DMD: variants seen among roughly 807,000 people sequenced by gnomAD.
DMD encodes the protein dystrophin, also known as mutant dystrophin.
In DMD, 63 loss-of-function variants were observed where a neutral mutation model predicts 330.1. The ratio of observed to expected loss-of-function variants is 0.19; its 90% CI spans 0.16 to 0.24. DMD has a LOEUF of 0.24. DMD is among the 10% of genes least tolerant of loss of function. The probability of loss-of-function intolerance (pLI) is 1.00; values close to 1 mark genes in which losing one functional copy is unlikely to be tolerated. For missense variants in DMD, 3,344 were observed against 2,684.1 expected, an observed-to-expected ratio of 1.25 and a Z score of -5.43; for synonymous variants, 1,223 against 959.8, an observed-to-expected ratio of 1.27 and a Z score of -5.07.
intron 63 of DMD, among the ~76,000 whole-genome samples, chrX:31,247,514 C>T (rs1463233512): frequency 4.7e-5 from 5 of 107,500 alleles, no homozygotes; most frequent in Non-Finnish European, 9.6e-5. Flanking sequence ...GCAGAAGAAT[C>T]ACTTGAACCC....
chrX:32,286,496 T>C (rs748273689), intron 43 of DMD, among the ~76,000 whole-genome samples: 3 of 111,624 alleles, frequency 2.7e-5, no homozygotes, highest in East Asian at 5.7e-4. Flanking sequence ...GGGCTTGCTA[T>C]AGGGCAGGCA....
At chrX:32,923,465 G>C (rs1013136800) in intron 2 of DMD, among the ~76,000 whole-genome samples, 2 of 110,104 alleles carry the variant, frequency 1.8e-5, no homozygotes, top group Non-Finnish European at 3.8e-5. Context: ...GTAGGCTGAG[G>C]TGGGAGAATC....
chrX:31,629,683 G>A (rs1469069051), intron 54 of DMD, among the ~76,000 whole-genome samples: 2 of 111,419 alleles, frequency 1.8e-5, no homozygotes, highest in African/African-American at 6.5e-5. Context: ...ATCTTTTTAT[G>A]TATCATGCTT....
chrX:32,430,199 T>A (rs907157082), intron 29 of DMD, among the ~76,000 whole-genome samples: 1 of 111,829 alleles, frequency 8.9e-6, no homozygotes, highest in African/African-American at 3.2e-5. Context: ...AATTGCTTTG[T>A]AGGTTATCCA....
At chrX:31,654,502 C>G (rs1297232323) in intron 54 of DMD, among the ~76,000 whole-genome samples, 1 of 111,519 alleles carries the variant, frequency 9.0e-6, no homozygotes, top group East Asian at 2.8e-4. Flanking sequence ...AATATAACAA[C>G]AAAAGTGAAA....
chrX:31,454,518 A>G (rs1005160906), intron 59 of DMD, among the ~76,000 whole-genome samples: 6 of 111,583 alleles, frequency 5.4e-5, no homozygotes, highest in Non-Finnish European at 1.1e-4. Context: ...ATTGTCCCTG[A>G]ATGGGCCCTC....
Position 31,348,570 on chromosome X carries a change from T to C in DMD, c.9149A>G (p.Gln3050Arg). The change falls in exon 61 of 79, where the codon CAG becomes CGG. Residue 3050 changes from glutamine to arginine, a missense_variant. Physicochemically the swap from Gln to Arg is conservative, Grantham distance 43 (BLOSUM62 1). Transcript: ENST00000357033. ...EAHRDFGPASQHFLSTSVQGP... is the reference protein window; with the variant it reads ...EAHRDFGPASRHFLSTSVQGP... ...AAATGACTTACTGGAAAGAAAGTGC[T>C]GAGATGCTGGACCAAAGTCCCTGTG... 1 of 1,211,169 alleles carries C rather than the reference T, an allele frequency of 8.3e-7. No homozygotes were observed. Among genetic ancestry groups the C allele is most frequent in the Non-Finnish European group, 1.1e-6 (1 of 894,940 alleles).
intron 1 of DMD, among the ~76,000 whole-genome samples, chrX:33,298,225 G>T (rs1485614177): frequency 9.0e-6 from 1 of 110,901 alleles, no homozygotes; most frequent in Non-Finnish European, 1.9e-5. Context: ...GAGGAAAATA[G>T]TTCCTTCATG....
chrX:31,672,650 T>C (rs2081871283), intron 53 of DMD, among the ~76,000 whole-genome samples: 1 of 112,511 alleles, frequency 8.9e-6, no homozygotes, highest in Admixed American at 9.4e-5. Context: ...TGATTCTTTC[T>C]TTTGCAGCTT....
At chrX:32,853,345 T>C (rs914764263) in intron 2 of DMD, among the ~76,000 whole-genome samples, 1 of 112,099 alleles carries the variant, frequency 8.9e-6, no homozygotes, top group Non-Finnish European at 1.9e-5. Context: ...ACTCATATCT[T>C]GAATAAGAAG....
At chrX:33,070,671 CTCTATATATATATATATA>C (rs1196520806) in intron 1 of DMD, among the ~76,000 whole-genome samples, 81 of 44,007 alleles carry the variant, frequency 1.8e-3, no homozygotes, top group African/African-American at 7.7e-3. Context: ...CTCTCTCTCT[CTCTATATATATATATATA>C]TATATATATA....
intron 44 of DMD, among the ~76,000 whole-genome samples, chrX:32,056,335 A>T (rs1436942305): frequency 9.3e-6 from 1 of 107,371 alleles, no homozygotes; most frequent in Non-Finnish European, 1.9e-5. Context: ...CAACAAAGCT[A>T]AGAGTTTTTT....
chrX:32,545,050 G>C, intron 17 of DMD, 109 bp downstream of exon 17: 1 of 750,672 alleles, frequency 1.3e-6, no homozygotes, highest in Non-Finnish European at 2.0e-6. Flanking sequence ...GACATTACAG[G>C]TACCCGAGGA....
chrX:32,440,911 T>C (rs1021435808), intron 28 of DMD, among the ~76,000 whole-genome samples: 4 of 111,102 alleles, frequency 3.6e-5, no homozygotes, highest in African/African-American at 1.3e-4. Context: ...TTGTGGTACA[T>C]TTAATTAGGT....
chrX:31,196,762 A>G (rs186938244), intron 67 of DMD, among the ~76,000 whole-genome samples: 68 of 92,020 alleles, frequency 7.4e-4, no homozygotes, highest in African/African-American at 2.6e-3. Flanking sequence ...TGGAGGTTGC[A>G]GTGTGCCGAG....
At chrX:32,934,803 C>G (rs1386511180) in intron 2 of DMD, among the ~76,000 whole-genome samples, 5 of 112,326 alleles carry the variant, frequency 4.5e-5, no homozygotes, top group Non-Finnish European at 9.4e-5. Flanking sequence ...GATTAACTAC[C>G]ATCCAGAATC....
intron 47 of DMD, among the ~76,000 whole-genome samples, chrX:31,877,321 A>T: frequency 8.9e-6 from 1 of 111,778 alleles, no homozygotes; most frequent in East Asian, 2.8e-4. Context: ...CCTTGGAAAC[A>T]CTAACTTTAA....
rs540077324 is a variant in DMD, at chrX:32,970,621, G to A, written c.93+49518C>T. Among the ~76,000 whole-genome samples, 9 of 92,165 alleles carry A rather than the reference G, an allele frequency of 9.8e-5. 1 individual carries two copies. Among genetic ancestry groups the A allele is most frequent in the South Asian group, 5.4e-4 (1 of 1,851 alleles). The allele number at this position is 92,165 out of a possible 115,157, so 80.0% of individuals were successfully genotyped here. A position where few individuals can be genotyped will look rare whatever the true frequency, so the allele number is the denominator to read the frequency against. ...TGCACTCCAGCCTGGGTGACAGAGCGAGACTCCATCTCAAATAATACTGAT... is the reference window on the plus strand; with the variant it reads ...TGCACTCCAGCCTGGGTGACAGAGCAAGACTCCATCTCAAATAATACTGAT... On this transcript the variant is annotated intron_variant, in intron 2 of 78. Coordinates refer to ENST00000357033, the MANE Select transcript of DMD (RefSeq NM_004006.3).
intron 34 of DMD, among the ~76,000 whole-genome samples, chrX:32,375,678 G>C (rs185543595): frequency 9.0e-6 from 1 of 111,230 alleles, no homozygotes; most frequent in African/African-American, 3.3e-5. Context: ...GATAGCTCTT[G>C]TTCTGTATTC....
Sources: allele counts gnomAD v4.1 joint callset (sites outside exome capture counted in the v4.1 genomes callset), GRCh38; gene constraint gnomAD v4.1.1; transcripts MANE v1.5; gene names NCBI Gene and HGNC (gene_info 2026-07-23, HGNC 2026-07-21).